Variants in ANK2 observed in about 807,000 individuals in gnomAD.
The protein encoded by ANK2 is ankyrin-2.
A neutral mutation model predicts 360.5 loss-of-function variants in ANK2; 83 were observed. The observed-to-expected ratio is 0.23, with a 90% CI of 0.19 to 0.28. The LOEUF (loss-of-function observed/expected upper bound fraction) is 0.28. Among genes scored for constraint, ANK2 ranks in the 10% least tolerant of loss-of-function variants. ANK2 has a pLI of 1.00. For missense variants in ANK2, 4,201 were observed against 4,795.7 expected, an observed-to-expected ratio of 0.88 and a Z score of 3.66; for synonymous variants, 1,740 against 1,759.5, an observed-to-expected ratio of 0.99 and a Z score of 0.28.
intron 45 of ANK2, among the ~76,000 whole-genome samples, chr4:113,376,501 A>G (rs78007111): frequency 0.036 from 5,526 of 152,334 alleles, 296 homozygotes; most frequent in African/African-American, 0.12. Context: ...GGACGTTATT[A>G]TACACTACAG....
At chr4:112,998,399 A>G (rs1019160124) in intron 2 of ANK2, among the ~76,000 whole-genome samples, 1 of 152,106 alleles carries the variant, frequency 6.6e-6, no homozygotes, top group Non-Finnish European at 1.5e-5. Context: ...CTGCCTTTTC[A>G]TTCAACCTCA....
intron 1 of ANK2, among the ~76,000 whole-genome samples, chr4:112,843,970 G>A (rs1262799090): frequency 6.6e-6 from 1 of 152,038 alleles, no homozygotes; most frequent in Non-Finnish European, 1.5e-5. Context: ...CTGTAAATAA[G>A]TATTTAGAAT....
At chr4:113,381,389 C>T in intron 45 of ANK2, 68 bp from the exon 46 acceptor site, 1 of 1,579,462 alleles carries the variant, frequency 6.3e-7, no homozygotes, top group East Asian at 2.2e-5. Context: ...TAATGGTCAC[C>T]TTCATTCCTA....
intron 1 of ANK2, among the ~76,000 whole-genome samples, chr4:112,840,977 A>G (rs994170190): frequency 1.3e-5 from 2 of 152,196 alleles, no homozygotes; most frequent in African/African-American, 4.8e-5. Context: ...CATATCTTTC[A>G]GCTTTTCACC....
chr4:113,019,447 A>G (rs1200532292), intron 2 of ANK2, among the ~76,000 whole-genome samples: 1 of 152,042 alleles, frequency 6.6e-6, no homozygotes, highest in African/African-American at 2.4e-5. Context: ...AATCAGGTAT[A>G]ATAAAACACA....
At chr4:113,130,751 A>G (rs2095971254) in intron 1 of ANK2, among the ~76,000 whole-genome samples, 1 of 152,192 alleles carries the variant, frequency 6.6e-6, no homozygotes, top group South Asian at 2.1e-4. Flanking sequence ...AAGACATAAT[A>G]GATACTCTAC....
chr4:113,132,233 T>C (rs1014638890), intron 1 of ANK2, among the ~76,000 whole-genome samples: 2 of 152,196 alleles, frequency 1.3e-5, no homozygotes, highest in African/African-American at 4.8e-5. Context: ...CATATGTATA[T>C]ATGTGGACAT....
chr4:112,709,626 GTAATCCCAGAT>G, the ANK2 span, among the ~76,000 whole-genome samples: 1 of 152,142 alleles, frequency 6.6e-6, no homozygotes, highest in African/African-American at 2.4e-5. Context: ...GCAGGCACCT[GTAATCCCAGAT>G]ACTCAGGAGG....
chr4:112,710,701 A>G, the ANK2 span, among the ~76,000 whole-genome samples: 1 of 151,866 alleles, frequency 6.6e-6, no homozygotes, highest in Admixed American at 6.6e-5. Flanking sequence ...CCATCTCAAA[A>G]AAAAAAAAAA....
chr4:113,035,153 G>A lies in ANK2; in HGVS notation c.21+130639G>A, dbSNP rs561132342. Among the ~76,000 whole-genome samples, 48 of 150,588 alleles carry A rather than the reference G, an allele frequency of 3.2e-4. No homozygotes were observed. In the South Asian group the frequency reaches 9.8e-3, roughly 31 times the overall value. On this transcript the variant is annotated intron_variant, in intron 2 of 30. Coordinates refer to the ANK2 transcript ENST00000503271. ...GCTTTCACTCAGAATAAAATGATAT[G>A]TATCAAAAGGTACCTTTTTTTTTTT...
chr4:112,957,543 C>G (rs933246903), intron 2 of ANK2, among the ~76,000 whole-genome samples: 16 of 152,228 alleles, frequency 1.1e-4, no homozygotes, highest in Non-Finnish European at 7.4e-5. Flanking sequence ...ACCTCCCAGA[C>G]GGGGTGGTGG....
intron 14 of ANK2, among the ~76,000 whole-genome samples, chr4:113,269,691 G>A (rs1237673439): frequency 6.8e-6 from 1 of 147,326 alleles, no homozygotes; most frequent in Non-Finnish European, 1.5e-5. Context: ...GATCTCGCTG[G>A]GATCTGCAGA....
At chr4:112,766,963 A>C in the ANK2 span, among the ~76,000 whole-genome samples, 110 of 152,360 alleles carry the variant, frequency 7.2e-4, no homozygotes, top group African/African-American at 2.6e-3. Flanking sequence ...GTATCCATTC[A>C]GTCACTGTCA....
chr4:113,283,357 G>A (rs1451027745), intron 18 of ANK2, among the ~76,000 whole-genome samples: 1 of 152,140 alleles, frequency 6.6e-6, no homozygotes, highest in African/African-American at 2.4e-5. Flanking sequence ...GGGCATCTGA[G>A]GCACCTATGG....
intron 1 of ANK2, among the ~76,000 whole-genome samples, chr4:113,085,049 A>G (rs1173658832): frequency 1.3e-5 from 2 of 152,186 alleles, no homozygotes; most frequent in East Asian, 3.8e-4. Context: ...GTAATCCTGT[A>G]ATGTTCTTTT....
intron 1 of ANK2, among the ~76,000 whole-genome samples, chr4:113,060,435 T>C (rs536283931): frequency 3.1e-4 from 47 of 152,220 alleles, no homozygotes; most frequent in African/African-American, 1.0e-3. Context: ...AAGATGACAC[T>C]GATGTCCAGA....
the ANK2 span, among the ~76,000 whole-genome samples, chr4:112,724,589 A>C: frequency 1.3e-5 from 2 of 148,180 alleles, no homozygotes; most frequent in East Asian, 2.0e-4. Context: ...ACACACACAC[A>C]CCACACCATC....
chr4:112,966,724 G>T (rs1403673663), intron 2 of ANK2, among the ~76,000 whole-genome samples: 1 of 152,104 alleles, frequency 6.6e-6, no homozygotes, highest in African/African-American at 2.4e-5. Flanking sequence ...ATATAGAAAA[G>T]ATATTCTATA....
intron 1 of ANK2, among the ~76,000 whole-genome samples, chr4:113,158,170 T>C (rs2097371427): frequency 6.6e-6 from 1 of 152,174 alleles, no homozygotes; most frequent in African/African-American, 2.4e-5. Context: ...GTCCATGTTG[T>C]GTAGGAAAAA....
Sources: gnomAD v4.1 joint callset for allele counts (sites outside exome capture counted in the v4.1 genomes callset) on GRCh38, gnomAD v4.1.1 for gene constraint, MANE v1.5 for transcripts, NCBI Gene and HGNC (gene_info 2026-07-23, HGNC 2026-07-21) for gene names.